The following ROBO1 variants were observed in gnomAD, a reference collection of about 807,000 sequenced individuals.
ROBO1 encodes the protein roundabout guidance receptor 1, also known as roundabout homolog 1.
ROBO1 carries 149 observed loss-of-function variants against 195.9 expected under a neutral mutation model. The ratio of observed to expected loss-of-function variants is 0.76; its 90% CI spans 0.67 to 0.87. The LOEUF (loss-of-function observed/expected upper bound fraction) is 0.87. Ranked by LOEUF, ROBO1 falls within the 40% of genes least tolerant of loss-of-function variation. ROBO1 has a pLI of 0.00. For synonymous variants in ROBO1, 816 were observed against 733.2 expected (o/e 1.11, Z -1.82); for missense variants, 1,933 against 2,068.3 (o/e 0.93, Z 1.27).
Position 79,699,710 on chromosome 3 carries a change from A to G in ROBO1, c.-51+68042T>C, listed in dbSNP as rs569204146. Among the ~76,000 whole-genome samples the G allele has an allele frequency of 4.6e-5, 7 of 151,748 alleles. No individual in the cohort carries two copies. The South Asian group carries it at 1.5e-3, about 31-fold the overall frequency. On this transcript the variant is annotated intron_variant, in intron 1 of 30. Transcript: ENST00000464233. ...TTTTTAGTTAACCAACTGGTTGACT[A>G]CAATACAGACATTTTCTAGATCTAG...
intron 4 of ROBO1, among the ~76,000 whole-genome samples, chr3:78,830,353 T>C (rs1012428969): frequency 2.6e-5 from 4 of 152,220 alleles, no homozygotes; most frequent in African/African-American, 7.2e-5. Context: ...ACTCCTGTGA[T>C]GGAAGAATCC....
chr3:79,313,193 A>G (rs2033569753), intron 2 of ROBO1, among the ~76,000 whole-genome samples: 1 of 151,912 alleles, frequency 6.6e-6, no homozygotes, highest in African/African-American at 2.4e-5. Context: ...TCTCAAAAAA[A>G]AAAAAAAAAA....
At chr3:78,602,656 C>T (rs1029951183) in intron 29 of ROBO1, among the ~76,000 whole-genome samples, 5 of 152,204 alleles carry the variant, frequency 3.3e-5, no homozygotes, top group East Asian at 3.9e-4. Context: ...ACCTGTAACA[C>T]GTCATTAATA....
chr3:79,434,451 C>A (rs529998242), intron 2 of ROBO1, among the ~76,000 whole-genome samples: 5,216 of 152,128 alleles, frequency 0.034, 200 homozygotes, highest in African/African-American at 0.098. Flanking sequence ...ATGCAGCCAA[C>A]AGACACATGA....
rs750158094 is a variant in ROBO1 at position 78,963,494 on chromosome 3, GTTTTTTTTTTTTTTT to G, written c.173-24582_173-24568del. ...GAGAAGATCCAGAGGAAAACCTTCA[GTTTTTTTTTTTTTTT>G]TTTTTTTTTTTCTTTTTTTTTTTTT... is the stretch of plus-strand genomic sequence containing the variant. On this transcript the variant is annotated intron_variant, in intron 3 of 30. Transcript: ENST00000464233. Among the ~76,000 whole-genome samples, 84 of 72,316 alleles carry G rather than the reference GTTTTTTTTTTTTTTT, an allele frequency of 1.2e-3. 1 individual carries two copies. The East Asian group carries it at 0.031, about 27-fold the overall frequency. The allele number at this position is 72,316 out of a possible 152,430, so 47.4% of individuals were successfully genotyped here.
intron 2 of ROBO1, among the ~76,000 whole-genome samples, chr3:79,313,603 A>ATG (rs2109102464): frequency 6.6e-6 from 1 of 152,336 alleles, no homozygotes; most frequent in Admixed American, 6.5e-5. Flanking sequence ...AAGATTATAT[A>ATG]TTGATCTTTC....
At chr3:79,172,916 T>A (rs2081192241) in intron 2 of ROBO1, among the ~76,000 whole-genome samples, 1 of 152,186 alleles carries the variant, frequency 6.6e-6, no homozygotes, top group Non-Finnish European at 1.5e-5. Flanking sequence ...GAAAAGTTAA[T>A]ACCATTTTCT....
intron 3 of ROBO1, among the ~76,000 whole-genome samples, chr3:79,124,110 T>C (rs1360668835): frequency 6.6e-6 from 1 of 152,068 alleles, no homozygotes; most frequent in Non-Finnish European, 1.5e-5. Context: ...TTCACAAATA[T>C]GAACTTCTTT....
At chr3:79,089,966 G>A (rs1344933760) in intron 3 of ROBO1, among the ~76,000 whole-genome samples, 2 of 147,724 alleles carry the variant, frequency 1.4e-5, no homozygotes, top group Non-Finnish European at 3.0e-5. Flanking sequence ...TTAAGACGGA[G>A]TCTTCCTCTG....
At chr3:78,915,860 G>A (rs1399890369) in intron 4 of ROBO1, among the ~76,000 whole-genome samples, 3 of 152,216 alleles carry the variant, frequency 2.0e-5, no homozygotes, top group African/African-American at 7.2e-5. Context: ...GTCTCACTAT[G>A]CTGCCCAGGT....
intron 1 of ROBO1, among the ~76,000 whole-genome samples, chr3:79,617,618 A>T (rs917776664): frequency 6.6e-6 from 1 of 152,158 alleles, no homozygotes; most frequent in Non-Finnish European, 1.5e-5. Context: ...CCTCCAGATG[A>T]GAAGGAATCA....
chr3:79,372,142 A>T (rs1298880350), intron 2 of ROBO1, among the ~76,000 whole-genome samples: 1 of 151,836 alleles, frequency 6.6e-6, no homozygotes, highest in African/African-American at 2.4e-5. Context: ...TCTGGTTCTT[A>T]ACAATCCATG....
chr3:79,253,710 T>C (rs2082774085), intron 2 of ROBO1, among the ~76,000 whole-genome samples: 1 of 152,172 alleles, frequency 6.6e-6, no homozygotes, highest in South Asian at 2.1e-4. Flanking sequence ...ACAAAATTCC[T>C]GCAAGTGCAA....
chr3:78,931,148 C>CT (rs1046022238), intron 4 of ROBO1, among the ~76,000 whole-genome samples: 5 of 150,234 alleles, frequency 3.3e-5, no homozygotes, highest in East Asian at 2.0e-4. Flanking sequence ...AAAAAAATCA[C>CT]TTTTTTTTGG....
At chr3:79,370,842 C>T (rs2036166788) in intron 2 of ROBO1, among the ~76,000 whole-genome samples, 1 of 151,912 alleles carries the variant, frequency 6.6e-6, no homozygotes, top group African/African-American at 2.4e-5. Flanking sequence ...CCCTTGCCCC[C>T]CACCCCCTGA....
intron 1 of ROBO1, among the ~76,000 whole-genome samples, chr3:79,740,172 C>A (rs73126759): frequency 0.24 from 35,881 of 147,520 alleles, 4,589 homozygotes; most frequent in East Asian, 0.33. Flanking sequence ...ACTTAGTAAT[C>A]TCTTCTCTTT....
intron 2 of ROBO1, among the ~76,000 whole-genome samples, chr3:79,179,921 A>T (rs1420122567): frequency 6.6e-6 from 1 of 152,152 alleles, no homozygotes; most frequent in Non-Finnish European, 1.5e-5. Flanking sequence ...CCATATGTTG[A>T]TTTTATTGGT....
intron 2 of ROBO1, among the ~76,000 whole-genome samples, chr3:79,485,414 CATT>C (rs1204903100): frequency 1.3e-5 from 2 of 151,990 alleles, no homozygotes; most frequent in South Asian, 2.1e-4. Context: ...TAAGTAATGA[CATT>C]ATTACAAAAG....
At chr3:78,883,820 A>G (rs2036332892) in intron 4 of ROBO1, among the ~76,000 whole-genome samples, 1 of 152,094 alleles carries the variant, frequency 6.6e-6, no homozygotes, top group South Asian at 2.1e-4. Context: ...AGTTTTTGAG[A>G]TTTGTAGAGT....
Sources: gnomAD v4.1 joint callset for allele counts (sites outside exome capture counted in the v4.1 genomes callset) on GRCh38, gnomAD v4.1.1 for gene constraint, MANE v1.5 for transcripts, NCBI Gene and HGNC (gene_info 2026-07-23, HGNC 2026-07-21) for gene names.